Variants in HTR2C observed in about 807,000 individuals in gnomAD.
HTR2C encodes the protein 5-hydroxytryptamine (serotonin) receptor 2C, G protein-coupled.
A neutral mutation model predicts 21.0 loss-of-function variants in HTR2C; 5 were observed. The ratio of observed to expected loss-of-function variants is 0.24; its 90% CI spans 0.12 to 0.50. The LOEUF (loss-of-function observed/expected upper bound fraction) is 0.50, where lower values mean the gene tolerates loss of function less well. Among genes scored for constraint, HTR2C ranks in the 20% least tolerant of loss-of-function variants. HTR2C has a pLI of 0.98. For synonymous variants in HTR2C, 150 were observed against 145.3 expected (o/e 1.03, Z -0.23); for missense variants, 271 against 371.2 (o/e 0.73, Z 2.22).
intron 4 of HTR2C, among the ~76,000 whole-genome samples, chrX:114,835,172 C>T (rs1375672605): frequency 5.0e-5 from 5 of 99,419 alleles, no homozygotes; most frequent in Non-Finnish European, 1.0e-4. Flanking sequence ...GTGAATCTGA[C>T]AATTATGTGT....
At chrX:114,597,153 G>A (rs1457971837) in intron 1 of HTR2C, among the ~76,000 whole-genome samples, 1 of 102,429 alleles carries the variant, frequency 9.8e-6, no homozygotes, top group African/African-American at 3.7e-5. Flanking sequence ...AGAAGGCAGA[G>A]GTTGCAGTGA....
chrX:114,809,363 T>A (rs1719811597), intron 4 of HTR2C, among the ~76,000 whole-genome samples: 1 of 102,656 alleles, frequency 9.7e-6, no homozygotes, highest in South Asian at 4.8e-4. Flanking sequence ...TTATGGTAAA[T>A]GCTGCCAGTC....
intron 4 of HTR2C, among the ~76,000 whole-genome samples, chrX:114,803,333 T>C (rs2070370342): frequency 2.2e-5 from 1 of 46,033 alleles, no homozygotes; most frequent in African/African-American, 5.7e-5. Context: ...GTTGAACTAG[T>C]TTACAGTTCC....
At chrX:114,714,414 C>T (rs899558202) in intron 2 of HTR2C, among the ~76,000 whole-genome samples, 1 of 111,350 alleles carries the variant, frequency 9.0e-6, no homozygotes. Context: ...TTTTATGAGT[C>T]TGTGTGGTCT....
intron 5 of HTR2C, among the ~76,000 whole-genome samples, chrX:114,895,745 T>G (rs2071291609): frequency 8.9e-6 from 1 of 111,832 alleles, no homozygotes; most frequent in South Asian, 3.7e-4. Flanking sequence ...CCCAGCACTT[T>G]GGGAGGCTGA....
At chrX:114,695,387 G>A (rs1405766271) in intron 2 of HTR2C, among the ~76,000 whole-genome samples, 1 of 111,506 alleles carries the variant, frequency 9.0e-6, no homozygotes, top group Non-Finnish European at 1.9e-5. Context: ...GTAGAGACAA[G>A]AAACAACAAA....
At chrX:114,782,632 T>C (rs1205383652) in intron 4 of HTR2C, among the ~76,000 whole-genome samples, 2 of 109,947 alleles carry the variant, frequency 1.8e-5, no homozygotes, top group African/African-American at 6.6e-5. Flanking sequence ...GTGGGAGGAT[T>C]GCTTGACCCC....
At chrX:114,643,216 G>T (rs781984222) in intron 2 of HTR2C, among the ~76,000 whole-genome samples, 2 of 107,587 alleles carry the variant, frequency 1.9e-5, no homozygotes, top group Non-Finnish European at 3.8e-5. Context: ...TATTAGGTTG[G>T]TGCAAAAGTA....
chrX:114,675,180 G>C (rs1462875615), intron 2 of HTR2C, among the ~76,000 whole-genome samples: 4 of 111,732 alleles, frequency 3.6e-5, no homozygotes, highest in Non-Finnish European at 7.5e-5. Flanking sequence ...AGCAGCAAAT[G>C]TTCTACATTA....
At chrX:114,811,369 T>C (rs2070529809) in intron 4 of HTR2C, among the ~76,000 whole-genome samples, 1 of 111,412 alleles carries the variant, frequency 9.0e-6, no homozygotes, top group African/African-American at 3.3e-5. Flanking sequence ...CTAATGTTTA[T>C]AGAATGCTGT....
rs1406632110 is a variant in HTR2C at position 114,705,617 on chromosome X, C to T, written c.-79-21241C>T. On this transcript the variant is annotated intron_variant, in intron 2 of 5. Coordinates refer to ENST00000276198, the MANE Select transcript of HTR2C (RefSeq NM_000868.4). ...AACCATAAAAACCCTAGAAGAAAAC[C>T]TAGGCATTACCATTCAGCACATAGG... Among the ~76,000 whole-genome samples, 6 of 102,046 alleles carry T rather than the reference C, an allele frequency of 5.9e-5. No individual in the cohort carries two copies. In the Admixed American group the frequency reaches 6.7e-4, roughly 11 times the overall value. The allele number at this position is 102,046 out of a possible 115,157, so 88.6% of individuals were successfully genotyped here. A position where few individuals can be genotyped will look rare whatever the true frequency, so the allele number is the denominator to read the frequency against.
At chrX:114,630,908 T>A (rs1929588944) in intron 2 of HTR2C, 1 of 361,645 alleles carries the variant, frequency 2.8e-6, no homozygotes, top group Non-Finnish European at 5.4e-6. Flanking sequence ...TACTCCTGCA[T>A]GCAGCTGGGT....
intron 4 of HTR2C, among the ~76,000 whole-genome samples, chrX:114,735,564 A>G (rs1375717554): frequency 1.8e-5 from 2 of 111,139 alleles, no homozygotes; most frequent in African/African-American, 6.5e-5. Context: ...ACCAAAAATT[A>G]GGAAGAGAAA....
chrX:114,763,901 C>T (rs782541327), intron 4 of HTR2C, among the ~76,000 whole-genome samples: 9 of 111,293 alleles, frequency 8.1e-5, no homozygotes, highest in South Asian at 3.8e-4. Context: ...CACTTCACTG[C>T]GGGATCTTTA....
At chrX:114,893,294 T>G (rs2071272765) in intron 5 of HTR2C, among the ~76,000 whole-genome samples, 2 of 111,348 alleles carry the variant, frequency 1.8e-5, no homozygotes, top group Non-Finnish European at 3.8e-5. Flanking sequence ...AGCATTTATC[T>G]GATCTCAAGA....
At chrX:114,872,569 T>A (rs1556476881) in intron 5 of HTR2C, among the ~76,000 whole-genome samples, 1 of 110,617 alleles carries the variant, frequency 9.0e-6, no homozygotes, top group Admixed American at 9.7e-5. Context: ...CATTAATTAT[T>A]TTGAATTGTG....
intron 4 of HTR2C, among the ~76,000 whole-genome samples, chrX:114,797,354 T>C (rs1254818847): frequency 3.6e-5 from 4 of 111,630 alleles, no homozygotes; most frequent in Non-Finnish European, 7.6e-5. Context: ...AGAGACATTC[T>C]TTCTGCCAAG....
chrX:114,699,544 A>G (rs1318411645), intron 2 of HTR2C, among the ~76,000 whole-genome samples: 1 of 111,928 alleles, frequency 8.9e-6, no homozygotes, highest in Non-Finnish European at 1.9e-5. Context: ...GCCCTCAGTT[A>G]AGGTTTATTC....
rs1347222624 is a variant in HTR2C, at chrX:114,694,865, C to T, written c.-79-31993C>T. 2.7e-5 allele frequency among the ~76,000 whole-genome samples: 3 copies of T among 111,587 alleles called. No individual in the cohort carries two copies. The Admixed American group carries it at 2.9e-4, about 11-fold the overall frequency. On this transcript the variant is annotated intron_variant, in intron 2 of 5. Coordinates refer to ENST00000276198, the MANE Select transcript of HTR2C (RefSeq NM_000868.4). ...TTTCTAACCAATAATCTAAAAATCA[C>T]TGCTATATTTTGATATTGGAGGGTT...
Sources: gnomAD v4.1 joint callset for allele counts (sites outside exome capture counted in the v4.1 genomes callset) on GRCh38, gnomAD v4.1.1 for gene constraint, MANE v1.5 for transcripts, NCBI Gene and HGNC (gene_info 2026-07-23, HGNC 2026-07-21) for gene names.